DLG2: variants seen among roughly 807,000 people sequenced by gnomAD.
DLG2 encodes disks large homolog 2.
Under a neutral mutation model 132.5 loss-of-function variants are expected in DLG2, and 45 were observed. That is an observed-to-expected ratio of 0.34 (90% CI 0.27 to 0.44). The LOEUF (loss-of-function observed/expected upper bound fraction) is 0.44. Ranked by LOEUF, DLG2 falls within the 20% of genes least tolerant of loss-of-function variation. DLG2 has a pLI of 1.00. For missense variants in DLG2, 1,045 were observed against 1,196.9 expected, an observed-to-expected ratio of 0.87 and a Z score of 1.87; for synonymous variants, 424 against 419.6, an observed-to-expected ratio of 1.01 and a Z score of -0.13.
At chr11:84,083,777 A>T (rs1035088879) in intron 10 of DLG2, among the ~76,000 whole-genome samples, 9 of 152,160 alleles carry the variant, frequency 5.9e-5, no homozygotes, top group Non-Finnish European at 1.0e-4. Context: ...TTTCTTTATA[A>T]ATTACCCAGT....
At chr11:84,308,055 C>T (rs1019702985) in intron 7 of DLG2, among the ~76,000 whole-genome samples, 1 of 152,086 alleles carries the variant, frequency 6.6e-6, no homozygotes, top group East Asian at 1.9e-4. Context: ...AGAACAAAGC[C>T]CCCACAACGC....
chr11:85,591,293 A>C (rs1332255763), intron 3 of DLG2, among the ~76,000 whole-genome samples: 1 of 152,208 alleles, frequency 6.6e-6, no homozygotes, highest in Non-Finnish European at 1.5e-5. Context: ...ACTTGTATCT[A>C]ACAGGATGCC....
intron 9 of DLG2, among the ~76,000 whole-genome samples, chr11:84,129,894 A>G (rs1377676826): frequency 6.6e-6 from 1 of 152,042 alleles, no homozygotes; most frequent in Non-Finnish European, 1.5e-5. Flanking sequence ...TCTTTCTACA[A>G]TCTCGAACTT....
At chr11:84,791,099 G>A (rs765502953) in intron 6 of DLG2, among the ~76,000 whole-genome samples, 14 of 152,190 alleles carry the variant, frequency 9.2e-5, no homozygotes, top group Non-Finnish European at 1.5e-4. Context: ...AGGTGAGATC[G>A]AGTATGTGAA....
intron 6 of DLG2, among the ~76,000 whole-genome samples, chr11:84,548,670 C>A (rs1021862809): frequency 1.3e-5 from 2 of 152,000 alleles, no homozygotes; most frequent in Admixed American, 6.6e-5. Flanking sequence ...TTTCTTAATC[C>A]CGTCTATCAT....
At chr11:84,014,507 C>A (rs1320643786) in intron 11 of DLG2, among the ~76,000 whole-genome samples, 1 of 152,026 alleles carries the variant, frequency 6.6e-6, no homozygotes, top group Non-Finnish European at 1.5e-5. Flanking sequence ...TGTATCTGAC[C>A]AATCTGGTCA....
intron 5 of DLG2, among the ~76,000 whole-genome samples, chr11:85,122,808 G>C (rs1036352506): frequency 4.7e-5 from 7 of 149,964 alleles, no homozygotes; most frequent in African/African-American, 1.5e-4. Flanking sequence ...GCAGAGTTGT[G>C]ATATACATGC....
chr11:85,621,495 T>C (rs769069711), intron 2 of DLG2, among the ~76,000 whole-genome samples: 10 of 152,248 alleles, frequency 6.6e-5, no homozygotes, highest in East Asian at 1.9e-4. Flanking sequence ...CATCATTCTA[T>C]ATGCCATTAA....
chr11:83,699,299 T>C (rs2082448851), intron 18 of DLG2, among the ~76,000 whole-genome samples: 1 of 152,112 alleles, frequency 6.6e-6, no homozygotes, highest in Non-Finnish European at 1.5e-5. Context: ...ATAATAAAAC[T>C]ATGGCACAAT....
chr11:84,844,889 G>C (rs1161482043), intron 6 of DLG2, among the ~76,000 whole-genome samples: 1 of 152,068 alleles, frequency 6.6e-6, no homozygotes, highest in Non-Finnish European at 1.5e-5. Flanking sequence ...CATCTTCCCT[G>C]TTACTTGAAG....
At chr11:84,615,429 A>G (rs973760885) in intron 6 of DLG2, among the ~76,000 whole-genome samples, 11 of 152,078 alleles carry the variant, frequency 7.2e-5, no homozygotes, top group Non-Finnish European at 2.9e-5. Context: ...GTTTGCTGGA[A>G]AAGGTTTTTA....
intron 19 of DLG2, among the ~76,000 whole-genome samples, chr11:83,560,717 C>A (rs553413414): frequency 1.2e-3 from 177 of 152,150 alleles, no homozygotes; most frequent in African/African-American, 4.1e-3. Context: ...CCATTGCTGA[C>A]GTAGAATGAT....
intron 19 of DLG2, among the ~76,000 whole-genome samples, chr11:83,543,642 G>A (rs983134666): frequency 6.6e-6 from 1 of 152,164 alleles, no homozygotes; most frequent in Non-Finnish European, 1.5e-5. Context: ...TGGAGTTGCT[G>A]TATGGGTAAA....
chr11:84,787,937 T>TTCAA (rs2073185216), intron 6 of DLG2, among the ~76,000 whole-genome samples: 2 of 31,732 alleles, frequency 6.3e-5, no homozygotes, highest in Admixed American at 5.6e-4. Flanking sequence ...TGTCTCTACT[T>TTCAA]ACAAAAAAAA....
intron 21 of DLG2, among the ~76,000 whole-genome samples, chr11:83,508,215 TTG>T (rs1380802763): frequency 1.3e-5 from 2 of 151,890 alleles, no homozygotes; most frequent in South Asian, 2.1e-4. Flanking sequence ...ATAACTCAAA[TTG>T]TGTCTTTTTC....
intron 19 of DLG2, among the ~76,000 whole-genome samples, chr11:83,574,135 C>A (rs747278366): frequency 5.3e-5 from 8 of 152,116 alleles, no homozygotes; most frequent in Admixed American, 2.0e-4. Context: ...CTCCCCTCAC[C>A]ACATTCTTTT....
chr11:83,706,667 G>A (rs911767643), intron 18 of DLG2, among the ~76,000 whole-genome samples: 2 of 152,222 alleles, frequency 1.3e-5, no homozygotes, highest in African/African-American at 4.8e-5. Context: ...ATGGAGGAGA[G>A]CTCTACCCAC....
chr11:85,190,399 A>C (rs138157300), intron 4 of DLG2, among the ~76,000 whole-genome samples: 16 of 152,146 alleles, frequency 1.1e-4, no homozygotes, highest in African/African-American at 3.6e-4. Flanking sequence ...AACACCTACA[A>C]TGAAAAGTTA....
chr11:84,804,827 C>G (rs2153964662), intron 6 of DLG2, among the ~76,000 whole-genome samples: 1 of 152,268 alleles, frequency 6.6e-6, no homozygotes, highest in South Asian at 2.1e-4. Flanking sequence ...TAAGGAGGTT[C>G]CCCATCCCCC....
Sources: gnomAD v4.1 joint callset for allele counts (sites outside exome capture counted in the v4.1 genomes callset) on GRCh38, gnomAD v4.1.1 for gene constraint, MANE v1.5 for transcripts, NCBI Gene and HGNC (gene_info 2026-07-23, HGNC 2026-07-21) for gene names.